Variants in RBFOX1 observed in about 807,000 individuals in gnomAD.
The protein encoded by RBFOX1 is RNA binding fox-1 homolog 1.
In RBFOX1, 8 loss-of-function variants were observed where a neutral mutation model predicts 57.7. That is an observed-to-expected ratio of 0.14 (90% CI 0.08 to 0.25). The LOEUF (loss-of-function observed/expected upper bound fraction) is 0.25. RBFOX1 is among the 10% of genes least tolerant of loss of function. RBFOX1 has a pLI of 1.00. For synonymous variants in RBFOX1, 326 were observed against 222.4 expected (o/e 1.47, Z -4.15); for missense variants, 611 against 548.5 (o/e 1.11, Z -1.14).
At chr16:7,057,102 T>C (rs1363392251) in intron 4 of RBFOX1, among the ~76,000 whole-genome samples, 1 of 151,248 alleles carries the variant, frequency 6.6e-6, no homozygotes, top group Non-Finnish European at 1.5e-5. Context: ...TCCCAATAAT[T>C]ATTTCACTTC....
At chr16:5,975,535 C>A (rs2060045055) in intron 4 of RBFOX1, among the ~76,000 whole-genome samples, 1 of 152,028 alleles carries the variant, frequency 6.6e-6, no homozygotes, top group Non-Finnish European at 1.5e-5. Context: ...CAGATTTTTC[C>A]CCTTTATAAG....
chr16:5,528,940 A>T (rs1056541395), intron 2 of RBFOX1, among the ~76,000 whole-genome samples: 1 of 151,972 alleles, frequency 6.6e-6, no homozygotes, highest in Non-Finnish European at 1.5e-5. Context: ...GTGAGCCACC[A>T]TGCCTGGCCA....
intron 4 of RBFOX1, among the ~76,000 whole-genome samples, chr16:7,504,474 A>G (rs1424534467): frequency 6.6e-6 from 1 of 151,314 alleles, no homozygotes; most frequent in Non-Finnish European, 1.5e-5. Flanking sequence ...GAATGTCTCA[A>G]AAATATTTTA....
chr16:6,752,539 A>C (rs1027516036), intron 3 of RBFOX1, among the ~76,000 whole-genome samples: 10 of 152,186 alleles, frequency 6.6e-5, no homozygotes, highest in Admixed American at 6.5e-4. Flanking sequence ...TTTGAAAGCA[A>C]GTTAGCGCAT....
At chr16:5,656,000 C>CA (rs1431902408) in intron 3 of RBFOX1, among the ~76,000 whole-genome samples, 13 of 152,178 alleles carry the variant, frequency 8.5e-5, no homozygotes, top group South Asian at 4.1e-4. Flanking sequence ...GCCACTTTCA[C>CA]AGTGTTGGAC....
intron 4 of RBFOX1, among the ~76,000 whole-genome samples, chr16:7,458,330 C>G (rs1254844992): frequency 6.6e-6 from 1 of 152,148 alleles, no homozygotes; most frequent in Non-Finnish European, 1.5e-5. Context: ...TGCCGTGTCC[C>G]TGGGCCAGTC....
At chr16:5,796,365 A>G (rs909382018) in intron 3 of RBFOX1, among the ~76,000 whole-genome samples, 10 of 152,232 alleles carry the variant, frequency 6.6e-5, no homozygotes, top group South Asian at 2.1e-4. Context: ...GAGTTGCTCA[A>G]TCCAGGATCT....
chr16:6,583,567 T>A (rs979271836), intron 2 of RBFOX1, among the ~76,000 whole-genome samples: 6 of 152,252 alleles, frequency 3.9e-5, no homozygotes, highest in Admixed American at 1.3e-4. Context: ...GGGGAGAGCA[T>A]CTTGTTACCT....
Position 7,653,803 on chromosome 16 carries a change from C to G in RBFOX1, c.758-12C>G. 1 of 1,606,336 alleles carries G rather than the reference C, an allele frequency of 6.2e-7. No homozygotes were observed. The highest frequency in any genetic ancestry group is 1.1e-5 in the South Asian group (1 of 90,992). On this transcript the variant is annotated splice_polypyrimidine_tract_variant and intron_variant, in intron 11 of 15. Transcript: ENST00000550418. ...CCTGTGCTCTCTCTCTCTCTCTCCT[C>G]TTGCCCCGCAGTGCCAGGCTTCCCG... is the stretch of plus-strand genomic sequence containing the variant.
chr16:7,079,268 C>T (rs1183596844), intron 4 of RBFOX1, among the ~76,000 whole-genome samples: 1 of 152,100 alleles, frequency 6.6e-6, no homozygotes, highest in African/African-American at 2.4e-5. Flanking sequence ...TGGCTCTGCC[C>T]CAACTGGAGC....
At position 5,941,873 on chromosome 16, in the gene RBFOX1, C is replaced by T. The variant is rs540652238; in HGVS notation, c.351+74538C>T. 1.3e-3 allele frequency among the ~76,000 whole-genome samples: 195 copies of T among 151,970 alleles called. 1 individual carries two copies. Among genetic ancestry groups the T allele is most frequent in the African/African-American group, 4.5e-3 (187 of 41,424 alleles). On this transcript the variant is annotated intron_variant, in intron 4 of 19. Transcript: ENST00000641259. ...GGATGACGCAGTACATCCCCTTTTC[C>T]GGCCTGAGTCTGCTTCAGAAAAATA...
At chr16:6,804,471 A>G (rs942937182) in intron 3 of RBFOX1, among the ~76,000 whole-genome samples, 5 of 152,200 alleles carry the variant, frequency 3.3e-5, no homozygotes, top group Non-Finnish European at 7.3e-5. Context: ...ACGCCCTCCA[A>G]TGGAACTAAC....
chr16:5,642,520 T>C (rs368841916), intron 3 of RBFOX1, among the ~76,000 whole-genome samples: 1 of 152,336 alleles, frequency 6.6e-6, no homozygotes, highest in African/African-American at 2.4e-5. Context: ...AATCTGAGGC[T>C]GGGATTGAAA....
intron 3 of RBFOX1, among the ~76,000 whole-genome samples, chr16:6,848,235 C>T (rs761905124): frequency 6.6e-6 from 1 of 152,154 alleles, no homozygotes. Context: ...GGGCCCATGA[C>T]CATTCAAAGG....
chr16:7,143,374 C>A (rs528226382), intron 4 of RBFOX1, among the ~76,000 whole-genome samples: 1 of 152,014 alleles, frequency 6.6e-6, no homozygotes, highest in African/African-American at 2.4e-5. Flanking sequence ...GAACATTAAA[C>A]GACCCAAGAA....
rs962807382 is a variant in RBFOX1 at position 6,858,864 on chromosome 16, T to C, written c.-15-193193T>C. Among the ~76,000 whole-genome samples the C allele has an allele frequency of 1.4e-4, 21 of 151,868 alleles. 1 individual carries two copies. The highest frequency in any genetic ancestry group is 7.4e-5 in the Non-Finnish European group (5 of 67,970). On this transcript the variant is annotated intron_variant, in intron 3 of 15. Transcript: ENST00000550418. ...ATTCAACATGCAAAACTCAGACTCG[T>C]AGCTATTTCTGAAGCTCAGCTATAA...
intron 4 of RBFOX1, among the ~76,000 whole-genome samples, chr16:5,968,289 G>A (rs1414133102): frequency 6.6e-6 from 1 of 151,954 alleles, no homozygotes; most frequent in Non-Finnish European, 1.5e-5. Flanking sequence ...TGGCCCGGCT[G>A]GTCTCAAACT....
chr16:6,149,201 G>A (rs577018326), intron 1 of RBFOX1, among the ~76,000 whole-genome samples: 2 of 152,226 alleles, frequency 1.3e-5, no homozygotes, highest in Non-Finnish European at 2.9e-5. Context: ...TAAGTTCTTT[G>A]TGTGTGTATG....
chr16:7,710,980 G>C lies in RBFOX1; in HGVS notation c.*235G>C. The C allele has an allele frequency of 2.1e-6, 1 of 466,648 alleles. No homozygotes were observed. The allele number at this position is 466,648 out of a possible 1,614,324, so 28.9% of individuals were successfully genotyped here. On this transcript the variant is annotated 3_prime_UTR_variant, in exon 16 of 16. Coordinates refer to ENST00000550418, the MANE Select transcript of RBFOX1 (RefSeq NM_018723.4). Reference sequence around the variant, plus strand: ...TTCCGTAGTTTGGTTGCTGGCTGTAGGAGTTTTTGTGGTTGATCTAGACAG... The same window carrying C: ...TTCCGTAGTTTGGTTGCTGGCTGTACGAGTTTTTGTGGTTGATCTAGACAG...
Sources: allele counts gnomAD v4.1 joint callset (sites outside exome capture counted in the v4.1 genomes callset), GRCh38; gene constraint gnomAD v4.1.1; transcripts MANE v1.5; gene names NCBI Gene and HGNC (gene_info 2026-07-23, HGNC 2026-07-21).